The following LRRC8C variants were observed in gnomAD, a reference collection of about 807,000 sequenced individuals.
LRRC8C encodes the protein leucine rich repeat containing 8 VRAC subunit C.
A neutral mutation model predicts 55.3 loss-of-function variants in LRRC8C; 20 were observed. That is an observed-to-expected ratio of 0.36 (90% CI 0.25 to 0.53). The LOEUF is 0.53. Ranked by LOEUF, LRRC8C falls within the 20% of genes least tolerant of loss-of-function variation. The pLI is 0.92. For missense variants in LRRC8C, 659 were observed against 951.4 expected, an observed-to-expected ratio of 0.69 and a Z score of 4.04; for synonymous variants, 376 against 360.7, an observed-to-expected ratio of 1.04 and a Z score of -0.48.
intron 1 of LRRC8C, among the ~76,000 whole-genome samples, chr1:89,635,279 C>A (rs1258858975): frequency 6.6e-6 from 1 of 151,988 alleles, no homozygotes; most frequent in East Asian, 1.9e-4. Context: ...GTTATAGTCA[C>A]CTATGACATT....
At position 89,713,998 on chromosome 1, in the gene LRRC8C, G is replaced by C; in HGVS notation, c.1428G>C (p.Gln476His). The stretch of plus-strand genomic sequence containing the variant: ...ATCTTCAAGAGCTCTCTCTGCACCA[G>C]TGTTCTGTCAAAATCCACAGTGCGG... Reference protein sequence around the residue: ...LDNLQELSLHQCSVKIHSAAL... With the variant: ...LDNLQELSLHHCSVKIHSAAL... Residue 476 changes from glutamine to histidine, a missense_variant, in exon 3 of 3, where the codon CAG becomes CAC. Coordinates refer to ENST00000370454, the MANE Select transcript of LRRC8C (RefSeq NM_032270.5). This position sits in a 1 kb window ranked among gnomAD's most constrained non-coding sequence, Gnocchi z 5.2. 1 of 1,613,274 alleles carries C rather than the reference G, an allele frequency of 6.2e-7. No individual in the cohort carries two copies. The highest frequency in any genetic ancestry group is 8.5e-7 in the Non-Finnish European group (1 of 1,179,992).
the LRRC8C span, chr1:89,624,713 T>G: frequency 6.6e-6 from 1 of 152,262 alleles, no homozygotes; most frequent in African/African-American, 2.4e-5. Flanking sequence ...AAAAGTCTTA[T>G]GAAGGCTCTG....
At chr1:89,696,883 T>C (rs1427272238) in intron 2 of LRRC8C, among the ~76,000 whole-genome samples, 1 of 152,124 alleles carries the variant, frequency 6.6e-6, no homozygotes, top group African/African-American at 2.4e-5. Context: ...AATGGAAAAG[T>C]GCGTAGATGA....
intron 1 of LRRC8C, among the ~76,000 whole-genome samples, chr1:89,677,573 A>G (rs963295153): frequency 1.3e-5 from 2 of 152,178 alleles, no homozygotes; most frequent in African/African-American, 2.4e-5. Context: ...AGAGCTCTAG[A>G]TGGAAAGAAA....
intron 2 of LRRC8C, among the ~76,000 whole-genome samples, chr1:89,701,572 A>G (rs1251493790): frequency 1.3e-5 from 2 of 152,172 alleles, no homozygotes; most frequent in Non-Finnish European, 2.9e-5. Context: ...TTGGTGGAAC[A>G]TGTGTAAAGA....
chr1:89,635,613 A>G (rs899701428), intron 1 of LRRC8C, among the ~76,000 whole-genome samples: 7 of 152,160 alleles, frequency 4.6e-5, no homozygotes, highest in African/African-American at 1.7e-4. Flanking sequence ...TATTTTTTCT[A>G]TATAAATTTG....
intron 1 of LRRC8C, among the ~76,000 whole-genome samples, chr1:89,648,059 A>C (rs1323848662): frequency 6.6e-6 from 1 of 152,182 alleles, no homozygotes; most frequent in Non-Finnish European, 1.5e-5. Context: ...ACAGAGCAAG[A>C]CCCTGTCTCA....
At chr1:89,651,494 G>A (rs1656777537) in intron 1 of LRRC8C, among the ~76,000 whole-genome samples, 1 of 149,686 alleles carries the variant, frequency 6.7e-6, no homozygotes, top group East Asian at 2.0e-4. Flanking sequence ...CATGAACCTG[G>A]GAGGTGGAGC....
the LRRC8C span, among the ~76,000 whole-genome samples, chr1:89,618,058 A>C: frequency 6.6e-6 from 1 of 152,056 alleles, no homozygotes; most frequent in Non-Finnish European, 1.5e-5. Flanking sequence ...TGACTGATTA[A>C]ATTATTGGTC....
chr1:89,616,374 C>G, the LRRC8C span, among the ~76,000 whole-genome samples: 1 of 152,184 alleles, frequency 6.6e-6, no homozygotes, highest in Admixed American at 6.5e-5. Context: ...GGCGTGGGAA[C>G]AGCATTCTGT....
chr1:89,717,790 C>G lies in LRRC8C; in HGVS notation c.*2808C>G, dbSNP rs1475585164. On this transcript the variant is annotated 3_prime_UTR_variant, in exon 3 of 3. Coordinates refer to ENST00000370454, the MANE Select transcript of LRRC8C (RefSeq NM_032270.5). ...GTATAGAGGGATATTTATCTAACCA[C>G]TTTCCGTATTTTACAAGTGCTCTTT... 1 of 152,164 alleles carries G rather than the reference C, an allele frequency of 6.6e-6. No homozygotes were observed. Among genetic ancestry groups the G allele is most frequent in the East Asian group, 1.9e-4 (1 of 5,202 alleles). 9.4% of individuals were successfully genotyped at this position (152,164 alleles called of 1,614,324 possible).
At position 89,718,809 on chromosome 1, in the gene LRRC8C, A is replaced by G. The variant is rs1281886230; in HGVS notation, c.*3827A>G. ...AATTTTATTAAGCTCTTAGTAACTC[A>G]GGATAGCATTCCATACTAACCTCAA... On this transcript the variant is annotated 3_prime_UTR_variant, in exon 3 of 3. Coordinates refer to ENST00000370454, the MANE Select transcript of LRRC8C (RefSeq NM_032270.5). The G allele has an allele frequency of 6.6e-6, 1 of 152,238 alleles. No individual in the cohort carries two copies. Among genetic ancestry groups the G allele is most frequent in the African/African-American group, 2.4e-5 (1 of 41,474 alleles). The allele number at this position is 152,238 out of a possible 1,614,324, so 9.4% of individuals were successfully genotyped here. A position where few individuals can be genotyped will look rare whatever the true frequency, so the allele number is the denominator to read the frequency against.
intron 1 of LRRC8C, among the ~76,000 whole-genome samples, chr1:89,673,048 C>A (rs552298365): frequency 6.6e-6 from 1 of 152,306 alleles, no homozygotes; most frequent in South Asian, 2.1e-4. Context: ...TTCTTCAGAA[C>A]TTCCAAAGAT....
intron 2 of LRRC8C, among the ~76,000 whole-genome samples, chr1:89,709,852 C>T (rs1160402044): frequency 2.6e-5 from 4 of 151,360 alleles, no homozygotes; most frequent in Non-Finnish European, 5.9e-5. Flanking sequence ...CCCGGGTTCA[C>T]GCCATTTTCC....
intron 2 of LRRC8C, among the ~76,000 whole-genome samples, chr1:89,687,538 A>G (rs2101287396): frequency 6.6e-6 from 1 of 152,324 alleles, no homozygotes; most frequent in South Asian, 2.1e-4. Context: ...GGAGAATGTG[A>G]TGAGGAAGAT....
intron 1 of LRRC8C, among the ~76,000 whole-genome samples, chr1:89,660,043 G>A (rs1238327089): frequency 6.6e-6 from 1 of 152,190 alleles, no homozygotes; most frequent in African/African-American, 2.4e-5. Flanking sequence ...TGTGGTCTGA[G>A]ACCCCTTCAA....
At chr1:89,686,798 A>G (rs1478045676) in intron 2 of LRRC8C, among the ~76,000 whole-genome samples, 187 bp downstream of exon 2, 2 of 152,226 alleles carry the variant, frequency 1.3e-5, no homozygotes, top group Admixed American at 1.3e-4. Context: ...TACGGTAAAT[A>G]TGGTACTTGA....
the LRRC8C span, among the ~76,000 whole-genome samples, chr1:89,624,540 T>G: frequency 9.9e-5 from 15 of 152,172 alleles, no homozygotes; most frequent in Non-Finnish European, 1.8e-4. Context: ...CTATTACCAA[T>G]GAGAATGGAT....
At chr1:89,707,178 G>A (rs979889660) in intron 2 of LRRC8C, among the ~76,000 whole-genome samples, 9 of 162 alleles carry the variant, frequency 0.056, no homozygotes, top group Middle Eastern at 0.5. Context: ...AGGCCGAGGC[G>A]GGTGGATCAC....
Sources: allele counts gnomAD v4.1 joint callset (sites outside exome capture counted in the v4.1 genomes callset), GRCh38; gene constraint gnomAD v4.1.1; non-coding constraint Gnocchi (gnomAD v3.1); transcripts MANE v1.5; gene names NCBI Gene and HGNC (gene_info 2026-07-23, HGNC 2026-07-21).